Variants in NUDCD1 observed in about 807,000 individuals in gnomAD.
NUDCD1 encodes the protein NudC domain containing 1, also known as nudC domain-containing protein 1.
NUDCD1 carries 60 observed loss-of-function variants against 67.8 expected under a neutral mutation model. The ratio of observed to expected loss-of-function variants is 0.88; its 90% CI spans 0.72 to 1.10. The LOEUF is 1.10. NUDCD1 is among the 50% of genes least tolerant of loss of function. The probability of loss-of-function intolerance (pLI) is 0.00; values close to 1 mark genes in which losing one functional copy is unlikely to be tolerated. For missense variants in NUDCD1, 643 were observed against 695.0 expected (o/e 0.93, Z 0.84); for synonymous variants, 244 against 230.8 (o/e 1.06, Z -0.52).
chr8:109,263,077 A>C (rs910908277), intron 8 of NUDCD1, among the ~76,000 whole-genome samples: 1 of 150,258 alleles, frequency 6.7e-6, no homozygotes. Flanking sequence ...AAAAAAAAAA[A>C]AACCCTGAAC....
intron 1 of NUDCD1, chr8:109,329,907 C>T (rs1418828622): frequency 1.8e-5 from 28 of 1,536,860 alleles, no homozygotes; most frequent in South Asian, 1.3e-4. Context: ...CTGGATGCTA[C>T]GAAGTATGAT....
At chr8:109,282,796 C>T (rs7817013) in intron 5 of NUDCD1, among the ~76,000 whole-genome samples, 14,830 of 151,112 alleles carry the variant, frequency 0.098, 770 homozygotes, top group Middle Eastern at 0.14. Flanking sequence ...CAAACCTGCA[C>T]GTTCTGCACA....
chr8:109,312,111 G>T (rs1815268333), intron 2 of NUDCD1, among the ~76,000 whole-genome samples: 1 of 151,926 alleles, frequency 6.6e-6, no homozygotes, highest in African/African-American at 2.4e-5. Context: ...AGACCAGCCT[G>T]GCCAACATGG....
intron 9 of NUDCD1, 74 bp from the exon 10 acceptor site, chr8:109,243,375 T>C: frequency 3.3e-6 from 4 of 1,207,456 alleles, no homozygotes. Context: ...ATTTAACATT[T>C]AATATTTTGC....
chr8:109,271,000 CT>C lies in NUDCD1; in HGVS notation c.1299+4del. Reference sequence around the variant, plus strand: ...ATTTTAGAAATATTAATATCAGTAACTTACCACATGAGTAGTTTTTAATGTA... The same window carrying C: ...ATTTTAGAAATATTAATATCAGTAACTACCACATGAGTAGTTTTTAATGTA... On this transcript the variant is annotated splice_donor_region_variant and intron_variant, in intron 8 of 9. Transcript: ENST00000239690. 6.4e-7 allele frequency: 1 copy of C among 1,563,816 alleles called. No individual in the cohort carries two copies. The highest frequency in any genetic ancestry group is 1.2e-5 in the South Asian group (1 of 84,356).
intron 8 of NUDCD1, among the ~76,000 whole-genome samples, chr8:109,252,936 T>G (rs77500003): frequency 0.03 from 4,578 of 152,230 alleles, 88 homozygotes; most frequent in Middle Eastern, 0.11. Flanking sequence ...TTAACTTGCC[T>G]AAAAAGCTTA....
intron 1 of NUDCD1, among the ~76,000 whole-genome samples, chr8:109,327,698 G>T (rs1043204755): frequency 2.0e-5 from 3 of 152,138 alleles, no homozygotes; most frequent in African/African-American, 7.2e-5. Flanking sequence ...CCCATTCAAG[G>T]CTAATTCCCA....
chr8:109,318,958 GT>G (rs34597876), intron 2 of NUDCD1, among the ~76,000 whole-genome samples: 57,549 of 130,818 alleles, frequency 0.44, 11,644 homozygotes, highest in South Asian at 0.51. Flanking sequence ...CCCATTTTAT[GT>G]TTTTTTTTTT....
At chr8:109,329,212 G>C (rs1815749962) in intron 1 of NUDCD1, among the ~76,000 whole-genome samples, 2 of 151,974 alleles carry the variant, frequency 1.3e-5, no homozygotes, top group South Asian at 2.1e-4. Context: ...AAGAAAAAAT[G>C]AAACGGGCAT....
chr8:109,282,006 G>A (rs920361858), intron 5 of NUDCD1, among the ~76,000 whole-genome samples: 2 of 152,120 alleles, frequency 1.3e-5, no homozygotes, highest in East Asian at 3.9e-4. Flanking sequence ...GCCATCCCCC[G>A]AACCCTGTCC....
chr8:109,268,769 T>C (rs552155797), intron 8 of NUDCD1, among the ~76,000 whole-genome samples: 1 of 152,312 alleles, frequency 6.6e-6, no homozygotes, highest in South Asian at 2.1e-4. Context: ...TTCAACAGCC[T>C]TCTATCAGTC....
intron 6 of NUDCD1, among the ~76,000 whole-genome samples, chr8:109,276,005 A>G (rs1814278152): frequency 6.6e-6 from 1 of 152,222 alleles, no homozygotes; most frequent in African/African-American, 2.4e-5. Context: ...AAATCAACGC[A>G]AATCTTAATT....
chr8:109,288,999 A>G (rs1306696614), intron 5 of NUDCD1, among the ~76,000 whole-genome samples: 2 of 143,002 alleles, frequency 1.4e-5, no homozygotes, highest in South Asian at 2.2e-4. Context: ...TTTTTTTTTG[A>G]GACAGTCTCG....
intron 1 of NUDCD1, among the ~76,000 whole-genome samples, chr8:109,330,718 C>T (rs78902864): frequency 6.6e-6 from 1 of 152,110 alleles, no homozygotes; most frequent in Non-Finnish European, 1.5e-5. Flanking sequence ...TAAAAAGGAA[C>T]ACAATCATAT....
At chr8:109,294,642 G>A (rs573248729) in intron 3 of NUDCD1, among the ~76,000 whole-genome samples, 1 of 152,126 alleles carries the variant, frequency 6.6e-6, no homozygotes, top group African/African-American at 2.4e-5. Context: ...AGAGTAGATG[G>A]CGTACTTTTA....
chr8:109,281,680 T>C (rs1431854642), intron 5 of NUDCD1, among the ~76,000 whole-genome samples: 1 of 152,184 alleles, frequency 6.6e-6, no homozygotes, highest in Non-Finnish European at 1.5e-5. Context: ...ACCCCAACCC[T>C]TCCTGTGCAT....
chr8:109,242,666 C>A lies in NUDCD1; in HGVS notation c.*343G>T, dbSNP rs1548082. On this transcript the variant is annotated 3_prime_UTR_variant, in exon 10 of 10. Transcript: ENST00000239690. ...GGTACAGCCTGTAGCAACTAATCAA[C>A]GAACAGAGTACACAATAAATATTTT... 0.37 allele frequency: 63,467 copies of A among 173,430 alleles called. 12,583 individuals carry two copies. Among genetic ancestry groups the A allele is most frequent in the South Asian group, 0.5 (3,248 of 6,510 alleles). 10.7% of individuals were successfully genotyped at this position (173,430 alleles called of 1,614,324 possible).
In NUDCD1 at chr8:109,293,475, A is replaced by C. The variant is rs769591795; in HGVS notation, c.509T>G (p.Ile170Ser). ...LGDPFIIIHS[I>S]SLLNAEEHSI... The stretch of plus-strand genomic sequence containing the variant: ...ATGTTCTTCAGCATTTAGCAGTGAG[A>C]TACTGTGAATTATAATAAAAGGATC... The change falls in exon 4 of 10, where the codon ATC becomes AGC. Residue 170 changes from isoleucine to serine, a missense_variant. Coordinates refer to ENST00000239690, the MANE Select transcript of NUDCD1 (RefSeq NM_032869.4). 1 of 1,576,296 alleles carries C rather than the reference A, an allele frequency of 6.3e-7. No homozygotes were observed.
At chr8:109,248,380 A>G (rs1813547896) in intron 8 of NUDCD1, among the ~76,000 whole-genome samples, 1 of 152,162 alleles carries the variant, frequency 6.6e-6, no homozygotes, top group Non-Finnish European at 1.5e-5. Flanking sequence ...ATCTCACAAC[A>G]CTAATTCTTC....
Sources: allele counts gnomAD v4.1 joint callset (sites outside exome capture counted in the v4.1 genomes callset), GRCh38; gene constraint gnomAD v4.1.1; transcripts MANE v1.5; gene names NCBI Gene and HGNC (gene_info 2026-07-23, HGNC 2026-07-21).